Variants in DAB1 observed in about 807,000 individuals in gnomAD.
DAB1 encodes the protein DAB adaptor protein 1.
Under a neutral mutation model 64.6 loss-of-function variants are expected in DAB1, and 15 were observed. The observed-to-expected ratio is 0.23, with a 90% confidence interval of 0.16 to 0.36. The LOEUF (loss-of-function observed/expected upper bound fraction) is 0.36, where lower values mean the gene tolerates loss of function less well. Among genes scored for constraint, DAB1 ranks in the 10% least tolerant of loss-of-function variants. DAB1 has a pLI of 1.00. For synonymous variants in DAB1, 235 were observed against 251.9 expected, an observed-to-expected ratio of 0.93 and a Z score of 0.64; for missense variants, 596 against 706.7, an observed-to-expected ratio of 0.84 and a Z score of 1.78.
chr1:58,402,287 C>A (rs904446252), intron 3 of DAB1, among the ~76,000 whole-genome samples: 1 of 152,184 alleles, frequency 6.6e-6, no homozygotes, highest in Non-Finnish European at 1.5e-5. Flanking sequence ...TTCGGCCCAG[C>A]GATTAGATGG....
intron 7 of DAB1, among the ~76,000 whole-genome samples, chr1:57,431,151 A>G (rs1195501697): frequency 6.6e-6 from 1 of 151,612 alleles, no homozygotes; most frequent in Non-Finnish European, 1.5e-5. Context: ...AACAAAAAAA[A>G]AAAAAAGAAA....
chr1:57,178,300 C>CA lies in DAB1; in HGVS notation c.68-32872dup, dbSNP rs58705693. On this transcript the variant is annotated intron_variant, in intron 2 of 14. Coordinates refer to ENST00000371236, the MANE Select transcript of DAB1 (RefSeq NM_001365792.1). ...AAGCTTATGTACACCAAGATATATG[C>CA]AAAAAAAAAAAAAATGGTCATAGCA... Among the ~76,000 whole-genome samples, 745 of 123,518 alleles carry CA rather than the reference C, an allele frequency of 6.0e-3. 10 individuals are homozygous for CA. Among genetic ancestry groups the CA allele is most frequent in the Middle Eastern group, 0.034 (7 of 208 alleles). The allele number at this position is 123,518 out of a possible 152,430, so 81.0% of individuals were successfully genotyped here.
At chr1:58,390,117 A>T (rs1644464146) in intron 3 of DAB1, among the ~76,000 whole-genome samples, 2 of 152,012 alleles carry the variant, frequency 1.3e-5, no homozygotes, top group Non-Finnish European at 2.9e-5. Context: ...GGGAAGGGAG[A>T]GCTGAGCTGA....
chr1:57,987,806 A>G (rs1435856059), intron 5 of DAB1, among the ~76,000 whole-genome samples: 2 of 151,778 alleles, frequency 1.3e-5, no homozygotes, highest in Non-Finnish European at 2.9e-5. Flanking sequence ...GAGTGCTGTG[A>G]AGTGTCCCCT....
intron 9 of DAB1, among the ~76,000 whole-genome samples, chr1:57,034,649 T>C (rs1280402144): frequency 6.6e-6 from 1 of 152,254 alleles, no homozygotes; most frequent in East Asian, 1.9e-4. Flanking sequence ...ATCATATACA[T>C]GTATATCTTA....
intron 7 of DAB1, among the ~76,000 whole-genome samples, chr1:57,462,095 C>G (rs1362534524): frequency 6.6e-6 from 1 of 151,572 alleles, no homozygotes; most frequent in Non-Finnish European, 1.5e-5. Flanking sequence ...CTGGGAGGTG[C>G]CTGCCACCAC....
intron 6 of DAB1, among the ~76,000 whole-genome samples, chr1:57,704,861 C>T (rs1646946950): frequency 6.7e-6 from 1 of 149,558 alleles, no homozygotes. Context: ...AATGCCCTTG[C>T]TCTTTGGGAA....
intron 7 of DAB1, among the ~76,000 whole-genome samples, chr1:57,439,151 G>A (rs1685812800): frequency 6.6e-6 from 1 of 152,110 alleles, no homozygotes; most frequent in South Asian, 2.1e-4. Context: ...AGATTTGAAG[G>A]GGGAAGAATG....
At chr1:57,779,862 T>C (rs922353904) in intron 6 of DAB1, among the ~76,000 whole-genome samples, 2 of 152,164 alleles carry the variant, frequency 1.3e-5, no homozygotes, top group African/African-American at 4.8e-5. Context: ...AGTTTTTCCA[T>C]GGATACTAGG....
chr1:57,693,956 T>A (rs1229229905), intron 6 of DAB1, among the ~76,000 whole-genome samples: 1 of 152,220 alleles, frequency 6.6e-6, no homozygotes, highest in Non-Finnish European at 1.5e-5. Flanking sequence ...AGGAGCTTTT[T>A]AATTTGATGT....
chr1:58,005,372 T>C (rs966296458), intron 5 of DAB1, among the ~76,000 whole-genome samples: 4 of 152,052 alleles, frequency 2.6e-5, no homozygotes, highest in Non-Finnish European at 1.5e-5. Context: ...AGGGCTGGTG[T>C]CTAGGGGCAG....
intron 6 of DAB1, among the ~76,000 whole-genome samples, chr1:57,768,252 TGTGTGTGTTTGGC>T (rs1446961303): frequency 9.6e-4 from 145 of 151,044 alleles, no homozygotes; most frequent in African/African-American, 3.4e-3. Flanking sequence ...CATTTCTTAC[TGTGTGTGTTTGGC>T]AAGTAATCTA....
At chr1:57,651,290 C>T (rs1646253501) in intron 6 of DAB1, among the ~76,000 whole-genome samples, 1 of 151,998 alleles carries the variant, frequency 6.6e-6, no homozygotes, top group East Asian at 1.9e-4. Context: ...TATCTAGTAA[C>T]AATATCCCAT....
chr1:58,373,206 T>G (rs1255014499), intron 3 of DAB1, among the ~76,000 whole-genome samples: 1 of 150,714 alleles, frequency 6.6e-6, no homozygotes, highest in Non-Finnish European at 1.5e-5. Context: ...AGTTTTAGGG[T>G]ACATGTGCAC....
At chr1:57,224,743 C>T (rs1245058897) in intron 2 of DAB1, among the ~76,000 whole-genome samples, 1 of 152,192 alleles carries the variant, frequency 6.6e-6, no homozygotes, top group Non-Finnish European at 1.5e-5. Context: ...GGGATTCCCC[C>T]ATTGATAGGA....
intron 6 of DAB1, among the ~76,000 whole-genome samples, chr1:57,732,673 G>C (rs77746889): frequency 0.017 from 2,610 of 152,302 alleles, 79 homozygotes; most frequent in African/African-American, 0.061. Flanking sequence ...CAGGAGAAAA[G>C]GGTAGTGAGG....
intron 3 of DAB1, among the ~76,000 whole-genome samples, chr1:58,482,883 G>A (rs1030856799): frequency 6.6e-6 from 1 of 152,132 alleles, no homozygotes; most frequent in Non-Finnish European, 1.5e-5. Context: ...CACAGGTCAT[G>A]CTAAGGATTT....
At chr1:58,332,572 T>G (rs891688028) in intron 4 of DAB1, among the ~76,000 whole-genome samples, 3 of 152,212 alleles carry the variant, frequency 2.0e-5, no homozygotes. Context: ...TACTTGTTGT[T>G]AAAAATTGTG....
chr1:58,509,523 T>C (rs1384276830), intron 2 of DAB1, among the ~76,000 whole-genome samples: 6 of 124,086 alleles, frequency 4.8e-5, no homozygotes, highest in Non-Finnish European at 3.4e-5. Flanking sequence ...TTTATAATGA[T>C]AAACACCTAC....
Sources: gnomAD v4.1 joint callset for allele counts (sites outside exome capture counted in the v4.1 genomes callset) on GRCh38, gnomAD v4.1.1 for gene constraint, MANE v1.5 for transcripts, NCBI Gene and HGNC (gene_info 2026-07-23, HGNC 2026-07-21) for gene names.